Variants in LIN52 observed in about 807,000 individuals in gnomAD.
The protein encoded by LIN52 is protein lin-52 homolog.
Under a neutral mutation model 18.5 loss-of-function variants are expected in LIN52, and 4 were observed. That is an observed-to-expected ratio of 0.22 (90% CI 0.11 to 0.49). The LOEUF is 0.49. LIN52 is among the 20% of genes least tolerant of loss of function. The pLI is 0.97. For synonymous variants in LIN52, 34 were observed against 45.5 expected (o/e 0.75, Z 1.02); for missense variants, 102 against 139.5 (o/e 0.73, Z 1.35).
intron 5 of LIN52, among the ~76,000 whole-genome samples, chr14:74,173,961 G>A (rs2139577537): frequency 6.6e-6 from 1 of 152,342 alleles, no homozygotes; most frequent in Non-Finnish European, 1.5e-5. Context: ...GGTAAGAGGT[G>A]CCTTTGTCTT....
intron 5 of LIN52, among the ~76,000 whole-genome samples, chr14:74,133,024 A>C (rs2061077334): frequency 2.0e-5 from 3 of 152,102 alleles, no homozygotes. Flanking sequence ...TAAAAAAAAA[A>C]ACAACCCATT....
At chr14:74,138,887 C>A (rs563817716) in intron 5 of LIN52, among the ~76,000 whole-genome samples, 1 of 150,404 alleles carries the variant, frequency 6.6e-6, no homozygotes, top group African/African-American at 2.4e-5. Context: ...TAAAGTGCAA[C>A]CATATATAAC....
intron 5 of LIN52, among the ~76,000 whole-genome samples, chr14:74,180,918 G>C (rs1275446457): frequency 6.6e-6 from 1 of 151,684 alleles, no homozygotes; most frequent in Non-Finnish European, 1.5e-5. Flanking sequence ...AGACCAGCCT[G>C]AGCAACGTAG....
intron 5 of LIN52, among the ~76,000 whole-genome samples, chr14:74,126,414 C>CA (rs1231195012): frequency 1.3e-5 from 2 of 152,138 alleles, no homozygotes; most frequent in Non-Finnish European, 2.9e-5. Flanking sequence ...AACAGGTACT[C>CA]AAACAAATGC....
intron 5 of LIN52, among the ~76,000 whole-genome samples, chr14:74,121,544 A>G (rs376280929): frequency 1.3e-5 from 2 of 152,204 alleles, no homozygotes; most frequent in East Asian, 3.8e-4. Flanking sequence ...TTAGTTAGCA[A>G]ATAGTTAAAG....
intron 5 of LIN52, among the ~76,000 whole-genome samples, chr14:74,139,879 T>C (rs2061119973): frequency 6.6e-6 from 1 of 152,214 alleles, no homozygotes; most frequent in African/African-American, 2.4e-5. Context: ...AATGGATGAT[T>C]GAATTATTTC....
intron 5 of LIN52, among the ~76,000 whole-genome samples, chr14:74,184,926 T>A (rs1356180795): frequency 6.6e-6 from 1 of 152,002 alleles, no homozygotes; most frequent in Non-Finnish European, 1.5e-5. Flanking sequence ...CTTTTTTCTT[T>A]TTTATTTATT....
At chr14:74,197,167 A>C (rs141270595) in intron 5 of LIN52, among the ~76,000 whole-genome samples, 8 of 152,290 alleles carry the variant, frequency 5.3e-5, no homozygotes, top group African/African-American at 1.9e-4. Flanking sequence ...CATATTTGTT[A>C]ATGGAAAGGA....
At chr14:74,127,519 T>A (rs1037988558) in intron 5 of LIN52, among the ~76,000 whole-genome samples, 3 of 152,174 alleles carry the variant, frequency 2.0e-5, no homozygotes, top group Non-Finnish European at 2.9e-5. Flanking sequence ...TTGGGTATTA[T>A]ACTGAGAGCA....
chr14:74,198,974 G>A lies in LIN52; in HGVS notation c.336G>A (p.Lys112=). 1 of 1,611,570 alleles carries A rather than the reference G, an allele frequency of 6.2e-7. No homozygotes were observed. Among genetic ancestry groups the A allele is most frequent in the South Asian group, 1.1e-5 (1 of 91,026 alleles). The change falls in exon 6 of 6, where the codon AAG becomes AAA. Residue 112 remains lysine (K), a synonymous_variant. Coordinates refer to ENST00000555028, the MANE Select transcript of LIN52 (RefSeq NM_001024674.3). The stretch of plus-strand genomic sequence containing the variant: ...TCAATATTCTAGAGAAGCCCAAGAA[G>A]TAGCAGCTGCTTGCGGACAGGATGT... The part of the protein sequence containing the change: ...KFLNILEKPK[K]
At chr14:74,106,355 G>A (rs998880332) in intron 5 of LIN52, among the ~76,000 whole-genome samples, 2 of 151,646 alleles carry the variant, frequency 1.3e-5, no homozygotes, top group Admixed American at 6.6e-5. Context: ...CTGCAGCCTC[G>A]AACTCCTGGG....
At position 74,148,751 on chromosome 14, in the gene LIN52, A is replaced by T. The variant is rs1244376184; in HGVS notation, c.283+47513A>T. 2.0e-5 allele frequency among the ~76,000 whole-genome samples: 3 copies of T among 152,012 alleles called. No individual in the cohort carries two copies. In the East Asian group the frequency reaches 5.8e-4, roughly 29 times the overall value. ...TTGTTAGGTTAGACAGAAAAAAAAA[A>T]TTGCTTGATTGTCTATTCCTCCACA... On this transcript the variant is annotated intron_variant, in intron 5 of 5. Coordinates refer to ENST00000555028, the MANE Select transcript of LIN52 (RefSeq NM_001024674.3).
intron 5 of LIN52, among the ~76,000 whole-genome samples, chr14:74,169,787 C>A (rs954079718): frequency 1.3e-5 from 2 of 152,158 alleles, no homozygotes; most frequent in Non-Finnish European, 2.9e-5. Flanking sequence ...CTATTAGATT[C>A]TAGGATCTCA....
chr14:74,174,000 T>C (rs899087153), intron 5 of LIN52, among the ~76,000 whole-genome samples: 2 of 152,242 alleles, frequency 1.3e-5, no homozygotes, highest in Non-Finnish European at 2.9e-5. Context: ...TCTGTTGCCA[T>C]AGATCTCCTC....
chr14:74,187,624 C>A (rs760767704), intron 5 of LIN52, among the ~76,000 whole-genome samples: 70 of 152,118 alleles, frequency 4.6e-4, no homozygotes, highest in Non-Finnish European at 1.2e-4. Context: ...GTATTTCTAG[C>A]CTTTTCAAAT....
rs1438573621 is a variant in LIN52 at position 74,199,026 on chromosome 14, C to G, written c.*49C>G. 7.7e-7 allele frequency: 1 copy of G among 1,305,078 alleles called. No individual in the cohort carries two copies. The highest frequency in any genetic ancestry group is 1.2e-5 in the South Asian group (1 of 84,798). 80.8% of individuals were successfully genotyped at this position (1,305,078 alleles called of 1,614,324 possible). On this transcript the variant is annotated 3_prime_UTR_variant, in exon 6 of 6. Coordinates refer to ENST00000555028, the MANE Select transcript of LIN52 (RefSeq NM_001024674.3). ...CTGGGGTCCGAAACCAAGCTCCCTT[C>G]CCGGTGCACCTCTAACAATGCACAC...
intron 5 of LIN52, among the ~76,000 whole-genome samples, chr14:74,123,067 G>A (rs1209711720): frequency 1.3e-5 from 2 of 152,062 alleles, no homozygotes; most frequent in Non-Finnish European, 2.9e-5. Context: ...ATCTTAATAA[G>A]TTCTTAAAAA....
chr14:74,161,573 G>A (rs2061225182), intron 5 of LIN52, among the ~76,000 whole-genome samples: 2 of 152,266 alleles, frequency 1.3e-5, no homozygotes, highest in African/African-American at 4.8e-5. Context: ...ACGGTGTACA[G>A]AGGTAGCAGA....
At chr14:74,161,586 G>A (rs1040886091) in intron 5 of LIN52, among the ~76,000 whole-genome samples, 2 of 152,250 alleles carry the variant, frequency 1.3e-5, no homozygotes, top group African/African-American at 2.4e-5. Flanking sequence ...GTAGCAGAAA[G>A]CTGCTAACCC....
Sources: allele counts gnomAD v4.1 joint callset (sites outside exome capture counted in the v4.1 genomes callset), GRCh38; gene constraint gnomAD v4.1.1; transcripts MANE v1.5; gene names NCBI Gene and HGNC (gene_info 2026-07-23, HGNC 2026-07-21).